Variants in GFRA1 observed in about 807,000 individuals in gnomAD.
The protein encoded by GFRA1 is GDNF family receptor alpha 1.
In GFRA1, 16 loss-of-function variants were observed where a neutral mutation model predicts 51.6. The observed-to-expected ratio is 0.31, with a 90% CI of 0.21 to 0.47. The LOEUF is 0.47. Among genes scored for constraint, GFRA1 ranks in the 20% least tolerant of loss-of-function variants. The pLI, the probability that GFRA1 is intolerant of heterozygous loss-of-function variation, is 1.00. For missense variants in GFRA1, 530 were observed against 594.3 expected, an observed-to-expected ratio of 0.89 and a Z score of 1.13; for synonymous variants, 270 against 241.3, an observed-to-expected ratio of 1.12 and a Z score of -1.10.
At chr10:116,209,945 A>G (rs184552400) in intron 5 of GFRA1, among the ~76,000 whole-genome samples, 7 of 152,258 alleles carry the variant, frequency 4.6e-5, no homozygotes, top group Admixed American at 4.6e-4. Flanking sequence ...TTGAAATCCG[A>G]GTAATACCTT....
intron 4 of GFRA1, among the ~76,000 whole-genome samples, chr10:116,221,900 A>C (rs1473165134): frequency 6.6e-6 from 1 of 152,158 alleles, no homozygotes; most frequent in African/African-American, 2.4e-5. Flanking sequence ...AACTGTTTCA[A>C]TAGGTTTATG....
Position 116,126,443 on chromosome 10 carries a change from C to T in GFRA1, c.434-886G>A, listed in dbSNP as rs997846834. Among the ~76,000 whole-genome samples the T allele has an allele frequency of 3.3e-5, 5 of 152,242 alleles. 1 individual carries two copies. Among genetic ancestry groups the T allele is most frequent in the South Asian group, 2.1e-4 (1 of 4,834 alleles). On this transcript the variant is annotated intron_variant, in intron 5 of 10. Coordinates refer to ENST00000355422, the MANE Select transcript of GFRA1 (RefSeq NM_005264.8). ...GAGCATGGTGGAGGCAGGGCCCACT[C>T]GGTGCCTGGGCAGGCAGGCCAAGGC...
rs1228557069 is a variant in GFRA1, at chr10:116,060,017, A to G, written c.*4381T>C. 2.6e-5 allele frequency: 4 copies of G among 152,220 alleles called. No homozygotes were observed. The highest frequency in any genetic ancestry group is 9.6e-5 in the African/African-American group (4 of 41,454). 9.4% of individuals were successfully genotyped at this position (152,220 alleles called of 1,614,324 possible). A position where few individuals can be genotyped will look rare whatever the true frequency, so the allele number is the denominator to read the frequency against. On this transcript the variant is annotated 3_prime_UTR_variant, in exon 11 of 11. Coordinates refer to ENST00000355422, the MANE Select transcript of GFRA1 (RefSeq NM_005264.8). ...GGTGGTGGAGGGAGGCCTGAATAATAACGATGAAAGAGAGCTGAATCAGCC... is the reference window on the plus strand; with the variant it reads ...GGTGGTGGAGGGAGGCCTGAATAATGACGATGAAAGAGAGCTGAATCAGCC...
chr10:116,189,005 A>G (rs947398476), intron 5 of GFRA1, among the ~76,000 whole-genome samples: 1 of 151,592 alleles, frequency 6.6e-6, no homozygotes. Context: ...CTCTAATCCC[A>G]GCACTTTGGG....
chr10:116,111,469 C>T (rs1181190503), intron 6 of GFRA1, among the ~76,000 whole-genome samples: 2 of 152,190 alleles, frequency 1.3e-5, no homozygotes, highest in African/African-American at 4.8e-5. Context: ...TGGAAGCTTT[C>T]CATGTGTTGT....
At chr10:116,092,985 G>A (rs1020844416) in intron 8 of GFRA1, among the ~76,000 whole-genome samples, 1 of 152,100 alleles carries the variant, frequency 6.6e-6, no homozygotes, top group African/African-American at 2.4e-5. Context: ...GTTCACATCC[G>A]TCCATTTCTC....
intron 9 of GFRA1, among the ~76,000 whole-genome samples, chr10:116,072,815 A>T (rs1955461803): frequency 6.6e-6 from 1 of 152,148 alleles, no homozygotes; most frequent in Admixed American, 6.6e-5. Context: ...CAAGGTTCCT[A>T]GTCCTAGCTT....
chr10:116,258,037 G>A (rs970279616), intron 4 of GFRA1, among the ~76,000 whole-genome samples: 4 of 152,038 alleles, frequency 2.6e-5, no homozygotes, highest in Non-Finnish European at 5.9e-5. Flanking sequence ...TTCTCTGACC[G>A]GCAACACCAT....
chr10:116,201,614 G>A (rs994894528), intron 5 of GFRA1, among the ~76,000 whole-genome samples: 4 of 152,036 alleles, frequency 2.6e-5, no homozygotes, highest in African/African-American at 9.7e-5. Flanking sequence ...TCCTTCAGGG[G>A]CACCTATCTG....
chr10:116,224,460 A>T (rs1424125214), intron 4 of GFRA1, among the ~76,000 whole-genome samples: 3 of 152,266 alleles, frequency 2.0e-5, no homozygotes, highest in Non-Finnish European at 4.4e-5. Flanking sequence ...TCAACTGACG[A>T]ATGGATAAAT....
chr10:116,255,547 C>T (rs939170621), intron 4 of GFRA1: 7 of 1,211,376 alleles, frequency 5.8e-6, no homozygotes, highest in East Asian at 6.1e-5. Context: ...TTCACATCCA[C>T]TCAACACAGG....
chr10:116,067,723 G>A (rs1264699069), intron 9 of GFRA1, among the ~76,000 whole-genome samples: 3 of 152,072 alleles, frequency 2.0e-5, no homozygotes, highest in African/African-American at 4.8e-5. Context: ...AAGTGGACTC[G>A]GCCTGCATAG....
chr10:116,169,436 T>G (rs968192962), intron 5 of GFRA1, among the ~76,000 whole-genome samples: 1 of 152,200 alleles, frequency 6.6e-6, no homozygotes, highest in African/African-American at 2.4e-5. Flanking sequence ...ACATCCCTGT[T>G]TTCCCGCCCG....
At chr10:116,125,818 G>C (rs1391651563) in intron 5 of GFRA1, among the ~76,000 whole-genome samples, 1 of 152,150 alleles carries the variant, frequency 6.6e-6, no homozygotes, top group East Asian at 1.9e-4. Context: ...CCAAAACTCG[G>C]GCACCTGCCC....
intron 4 of GFRA1, among the ~76,000 whole-genome samples, chr10:116,240,941 C>T (rs992377107): frequency 1.3e-5 from 2 of 152,152 alleles, no homozygotes; most frequent in African/African-American, 4.8e-5. Context: ...GAGAATGAAA[C>T]TGAGGCTTGC....
Position 116,244,397 on chromosome 10 carries a change from G to T in GFRA1, c.418+25106C>A, listed in dbSNP as rs561982684. ...AAAATTTAATTTTATTTCATTTAAT[G>T]TTAATAATTAAAATTTAATTTTATT... On this transcript the variant is annotated intron_variant, in intron 4 of 10. Transcript: ENST00000355422. 2.6e-3 allele frequency among the ~76,000 whole-genome samples: 382 copies of T among 144,754 alleles called. 2 individuals are homozygous for T. Among genetic ancestry groups the T allele is most frequent in the African/African-American group, 9.3e-3 (368 of 39,542 alleles). The allele number at this position is 144,754 out of a possible 152,430, so 95.0% of individuals were successfully genotyped here. A position where few individuals can be genotyped will look rare whatever the true frequency, so the allele number is the denominator to read the frequency against.
chr10:116,182,494 G>A (rs1962332227), intron 5 of GFRA1, among the ~76,000 whole-genome samples: 1 of 152,190 alleles, frequency 6.6e-6, no homozygotes, highest in Non-Finnish European at 1.5e-5. Flanking sequence ...AGCAGATCTG[G>A]AGAGCCCTTG....
intron 4 of GFRA1, among the ~76,000 whole-genome samples, chr10:116,215,967 A>G (rs999035668): frequency 3.3e-5 from 5 of 152,042 alleles, no homozygotes; most frequent in African/African-American, 4.8e-5. Flanking sequence ...ATGTGGGAGG[A>G]AGAAAATAAG....
At chr10:116,088,609 C>T (rs1359285851) in intron 9 of GFRA1, among the ~76,000 whole-genome samples, 1 of 152,100 alleles carries the variant, frequency 6.6e-6, no homozygotes, top group Non-Finnish European at 1.5e-5. Flanking sequence ...AGGAGGATAA[C>T]ACCCAAAGGG....
Sources: allele counts gnomAD v4.1 joint callset (sites outside exome capture counted in the v4.1 genomes callset), GRCh38; gene constraint gnomAD v4.1.1; transcripts MANE v1.5; gene names NCBI Gene and HGNC (gene_info 2026-07-23, HGNC 2026-07-21).